PTK2B: variants seen among roughly 807,000 people sequenced by gnomAD.
The protein encoded by PTK2B is protein tyrosine kinase 2 beta.
PTK2B carries 71 observed loss-of-function variants against 142.9 expected under a neutral mutation model. The ratio of observed to expected loss-of-function variants is 0.50; its 90% CI spans 0.41 to 0.61. The LOEUF is 0.61. PTK2B is among the 20% of genes least tolerant of loss of function. The pLI is 0.00. For missense variants in PTK2B, 1,105 were observed against 1,320.4 expected (o/e 0.84, Z 2.53); for synonymous variants, 519 against 503.4 (o/e 1.03, Z -0.42).
intron 2 of PTK2B, among the ~76,000 whole-genome samples, chr8:27,405,042 C>CTCTCTCTCTCTCTCTCTCTG (rs1808626145): frequency 1.8e-5 from 1 of 54,588 alleles, no homozygotes; most frequent in Non-Finnish European, 4.4e-5. Context: ...CTTCCTCTCT[C>CTCTCTCTCTCTCTCTCTCTG]TCTCTCTCTC....
intron 1 of PTK2B, among the ~76,000 whole-genome samples, chr8:27,369,163 A>G (rs547070190): frequency 1.1e-3 from 170 of 151,958 alleles, no homozygotes; most frequent in Non-Finnish European, 2.0e-3. Flanking sequence ...ATGTTTTCCA[A>G]CCTCCACTTC....
intron 2 of PTK2B, among the ~76,000 whole-genome samples, chr8:27,411,534 C>T (rs1384880365): frequency 1.3e-5 from 2 of 152,162 alleles, no homozygotes; most frequent in Non-Finnish European, 2.9e-5. Flanking sequence ...AGAAGCCATT[C>T]TGCAGCTTAA....
At chr8:27,394,921 AGTATCACTGT>A (rs751782735) in intron 1 of PTK2B, among the ~76,000 whole-genome samples, 2 of 152,186 alleles carry the variant, frequency 1.3e-5, no homozygotes, top group Non-Finnish European at 2.9e-5. Context: ...CAGGACCATC[AGTATCACTGT>A]CTTCCGCCTC....
At chr8:27,398,400 C>A (rs1358897251) in intron 2 of PTK2B, among the ~76,000 whole-genome samples, 3 of 152,324 alleles carry the variant, frequency 2.0e-5, no homozygotes, top group Admixed American at 2.0e-4. Context: ...CACCAGGATG[C>A]CAGTTCACCT....
At chr8:27,438,942 C>T (rs1472266166) in intron 18 of PTK2B, 89 bp from the exon 19 acceptor site, 2 of 1,248,266 alleles carry the variant, frequency 1.6e-6, no homozygotes, top group African/African-American at 1.5e-5. Context: ...GATTCTTGGT[C>T]TCTTTTTCCA....
intron 3 of PTK2B, among the ~76,000 whole-genome samples, chr8:27,314,463 T>C (rs1188188768): frequency 6.6e-6 from 1 of 152,202 alleles, no homozygotes; most frequent in Admixed American, 6.5e-5. Context: ...GCCTATAGCC[T>C]GAGGCAGGAA....
At chr8:27,432,396 C>A (rs781242371) in intron 10 of PTK2B, 35 bp downstream of exon 10, 1 of 1,592,612 alleles carries the variant, frequency 6.3e-7, no homozygotes, top group South Asian at 1.1e-5. Flanking sequence ...CCTGGCAGCT[C>A]TGCAGGGGGT....
intron 1 of PTK2B, among the ~76,000 whole-genome samples, 184 bp downstream of exon 1, chr8:27,325,865 C>G (rs896792049): frequency 2.0e-5 from 3 of 152,214 alleles, no homozygotes; most frequent in African/African-American, 7.2e-5. Context: ...AGCTCGCCAG[C>G]CTTCCGCGGG....
chr8:27,399,894 T>A (rs767719161), intron 2 of PTK2B, among the ~76,000 whole-genome samples: 8 of 152,144 alleles, frequency 5.3e-5, no homozygotes, highest in Non-Finnish European at 1.2e-4. Flanking sequence ...TGGGCTTCAG[T>A]CTCTTCACCC....
intron 1 of PTK2B, among the ~76,000 whole-genome samples, chr8:27,331,036 C>T (rs1213312146): frequency 6.6e-6 from 1 of 152,226 alleles, no homozygotes; most frequent in East Asian, 1.9e-4. Flanking sequence ...CCAGTTCTCT[C>T]TCTTCCTTTT....
chr8:27,339,428 G>A (rs1200730332), intron 1 of PTK2B, among the ~76,000 whole-genome samples: 2 of 152,174 alleles, frequency 1.3e-5, no homozygotes, highest in Non-Finnish European at 2.9e-5. Context: ...CAGAGACACA[G>A]CCCCCTCCCC....
intron 13 of PTK2B, among the ~76,000 whole-genome samples, chr8:27,435,239 G>T (rs1810698730): frequency 6.6e-6 from 1 of 152,192 alleles, no homozygotes; most frequent in African/African-American, 2.4e-5. Context: ...CTCACGTGAT[G>T]AACAGAGAGT....
chr8:27,442,590 C>T (rs1811219182), intron 21 of PTK2B, among the ~76,000 whole-genome samples: 1 of 152,212 alleles, frequency 6.6e-6, no homozygotes, highest in South Asian at 2.1e-4. Context: ...GGGCTGCAGT[C>T]AGGCTCCTGC....
In PTK2B at chr8:27,437,130, G is replaced by A. The variant is rs1810828915; in HGVS notation, c.1350G>A (p.Glu450=). ...ACACACTCTTGTTACAGAAAGGGGA[G>A]AAAATCAATGTAGCTGTCAAGACCT... The part of the protein sequence containing the change: ...YEGVYTNHKG[E]KINVAVKTCK... Residue 450 remains glutamate, a synonymous_variant, in exon 16 of 31, where the codon GAG becomes GAA. Coordinates refer to ENST00000346049, the MANE Select transcript of PTK2B (RefSeq NM_173176.3). 4 of 1,613,830 alleles carry A rather than the reference G, an allele frequency of 2.5e-6. No individual in the cohort carries two copies. Among genetic ancestry groups the A allele is most frequent in the Non-Finnish European group, 2.5e-6 (3 of 1,179,740 alleles).
chr8:27,422,132 C>T, intron 4 of PTK2B, 172 bp from the exon 5 acceptor site: 1 of 531,060 alleles, frequency 1.9e-6, no homozygotes, highest in Admixed American at 4.0e-5. Flanking sequence ...CCTGTGGAGG[C>T]ACAAGCACCC....
chr8:27,450,989 G>C (rs1392271816), intron 25 of PTK2B, 54 bp from the exon 26 acceptor site: 13 of 1,610,092 alleles, frequency 8.1e-6, no homozygotes, highest in South Asian at 1.1e-5. Flanking sequence ...CTGCATTCTT[G>C]GTGCTTTCAG....
rs754472545 is a variant in PTK2B at position 27,440,239 on chromosome 8, G to A, written c.1837G>A (p.Val613Met). ...TTASDVWMFA[V>M]CMWEILSFGK... Reference sequence around the variant, plus strand: ...CCTGACGCTCCCTTACACCCCAGCCGTGTGCATGTGGGAGATCCTGAGCTT... The same window carrying A: ...CCTGACGCTCCCTTACACCCCAGCCATGTGCATGTGGGAGATCCTGAGCTT... The change falls in exon 21 of 31, where the codon GTG (valine) becomes ATG (methionine). Residue 613 changes from valine (V) to methionine (M), a missense_variant and splice_region_variant. By Grantham distance (21) the Val-to-Met change is conservative. Coordinates refer to ENST00000346049, the MANE Select transcript of PTK2B (RefSeq NM_173176.3). The A allele has an allele frequency of 1.5e-5, 24 of 1,614,014 alleles. No individual in the cohort carries two copies. Among genetic ancestry groups the A allele is most frequent in the Admixed American group, 3.3e-5 (2 of 60,010 alleles).
At chr8:27,316,750 T>C (rs970220262) in intron 3 of PTK2B, among the ~76,000 whole-genome samples, 1 of 152,220 alleles carries the variant, frequency 6.6e-6, no homozygotes, top group Non-Finnish European at 1.5e-5. Context: ...ATCTGAATAA[T>C]GCAGGGAGAA....
At chr8:27,402,376 T>C (rs1251813938) in intron 2 of PTK2B, among the ~76,000 whole-genome samples, 1 of 152,126 alleles carries the variant, frequency 6.6e-6, no homozygotes, top group Non-Finnish European at 1.5e-5. Context: ...TGGAGTACAA[T>C]TGAGACACAT....
Sources: allele counts gnomAD v4.1 joint callset (sites outside exome capture counted in the v4.1 genomes callset), GRCh38; gene constraint gnomAD v4.1.1; transcripts MANE v1.5; gene names NCBI Gene and HGNC (gene_info 2026-07-23, HGNC 2026-07-21).